HERC1: variants seen among roughly 807,000 people sequenced by gnomAD.
The protein encoded by HERC1 is probable E3 ubiquitin-protein ligase HERC1.
HERC1 carries 160 observed loss-of-function variants against 554.3 expected under a neutral mutation model. That is an observed-to-expected ratio of 0.29 (90% CI 0.25 to 0.33). HERC1 has a LOEUF of 0.33. Ranked by LOEUF, HERC1 falls within the 10% of genes least tolerant of loss-of-function variation. The pLI is 1.00. For synonymous variants in HERC1, 2,175 were observed against 2,131.7 expected (o/e 1.02, Z -0.56); for missense variants, 4,919 against 5,918.5 (o/e 0.83, Z 5.54).
chr15:63,771,111 C>A (rs922337785), intron 2 of HERC1, among the ~76,000 whole-genome samples: 1 of 151,860 alleles, frequency 6.6e-6, no homozygotes, highest in Non-Finnish European at 1.5e-5. Flanking sequence ...ATAGCTTGAA[C>A]CCAGGAGGCA....
chr15:63,771,469 C>CA lies in HERC1; in HGVS notation c.930+3224dup, dbSNP rs2075953678. On this transcript the variant is annotated intron_variant, in intron 2 of 77. Coordinates refer to ENST00000443617, the MANE Select transcript of HERC1 (RefSeq NM_003922.4). Reference sequence around the variant, plus strand: ...TTTTTTTGAGACAGTCTTGGTCTGTCACCCAGGCTGGAGTGCAATGGTGCG... The same window carrying CA: ...TTTTTTTGAGACAGTCTTGGTCTGTCAACCCAGGCTGGAGTGCAATGGTGCG... Among the ~76,000 whole-genome samples, 5 of 149,448 alleles carry CA rather than the reference C, an allele frequency of 3.3e-5. No individual in the cohort carries two copies. In the South Asian group the frequency reaches 1.1e-3, roughly 31 times the overall value.
chr15:63,638,579 C>A (rs769241290), intron 62 of HERC1, 43 bp from the exon 63 acceptor site: 1 of 1,613,278 alleles, frequency 6.2e-7, no homozygotes, highest in Admixed American at 1.7e-5. Context: ...CATCCATTCA[C>A]TCAAACAGCC....
intron 39 of HERC1, among the ~76,000 whole-genome samples, chr15:63,670,022 G>A (rs1043671616): frequency 6.6e-6 from 1 of 152,154 alleles, no homozygotes; most frequent in Non-Finnish European, 1.5e-5. Context: ...GATAAGAGGG[G>A]TAATTTGGTA....
chr15:63,696,132 G>T lies in HERC1; in HGVS notation c.5113C>A (p.His1705Asn). Reference protein sequence around the residue: ...GGKGESGRLHHYQDGIRAAKR... With the variant: ...GGKGESGRLHNYQDGIRAAKR... The stretch of plus-strand genomic sequence containing the variant: ...TGCAAGGTGTCACCTACCTGATAGT[G>T]ATGCAATCGGCCACTCTCTCCCTTG... The change falls in exon 27 of 78, where the codon CAC becomes AAC. Residue 1705 changes from histidine (H) to asparagine (N), a missense_variant. Coordinates refer to ENST00000443617, the MANE Select transcript of HERC1 (RefSeq NM_003922.4). The T allele has an allele frequency of 2.5e-6, 4 of 1,610,594 alleles. No homozygotes were observed. The highest frequency in any genetic ancestry group is 1.1e-5 in the South Asian group (1 of 90,704).
rs777930748 is a variant in HERC1, at chr15:63,666,008, G to A, written c.8466C>T (p.Gly2822=). The stretch of plus-strand genomic sequence containing the variant: ...AATAACAGGGATCATTTGACTTCCC[G>A]CCACTGCCTAGAACGGCTGCTCCAG... ...SRPGAAVLGS[G]GKSNDPCYLQ... Residue 2822 remains glycine, a synonymous_variant, in exon 42 of 78, where the codon GGC becomes GGT. Transcript: ENST00000443617. 134 of 1,613,836 alleles carry A rather than the reference G, an allele frequency of 8.3e-5. No individual in the cohort carries two copies. Among genetic ancestry groups the A allele is most frequent in the Middle Eastern group, 1.6e-4 (1 of 6,084 alleles).
At chr15:63,657,698 T>C (rs1442505694) in intron 48 of HERC1, among the ~76,000 whole-genome samples, 1 of 152,234 alleles carries the variant, frequency 6.6e-6, no homozygotes, top group Non-Finnish European at 1.5e-5. Flanking sequence ...AATTTTTGCT[T>C]GTCCCAAGAC....
In HERC1 at chr15:63,756,305, C is replaced by A; in HGVS notation, c.1533+132G>T. 1.5e-6 allele frequency: 1 copy of A among 679,084 alleles called. No homozygotes were observed. The allele number at this position is 679,084 out of a possible 1,614,324, so 42.1% of individuals were successfully genotyped here. A position where few individuals can be genotyped will look rare whatever the true frequency, so the allele number is the denominator to read the frequency against. ...CAAAGGTGTTCTGTAAACTGTAAAGCAGAGATACAAAAGATTAAGCCAAAG... is the reference window on the plus strand; with the variant it reads ...CAAAGGTGTTCTGTAAACTGTAAAGAAGAGATACAAAAGATTAAGCCAAAG... On this transcript the variant is annotated intron_variant, in intron 5 of 77. Coordinates refer to ENST00000443617, the MANE Select transcript of HERC1 (RefSeq NM_003922.4). This position sits in a 1 kb window ranked among gnomAD's most constrained non-coding sequence, Gnocchi z 5.0.
intron 40 of HERC1, among the ~76,000 whole-genome samples, chr15:63,667,843 C>A (rs962214571): frequency 6.6e-6 from 1 of 152,164 alleles, no homozygotes; most frequent in African/African-American, 2.4e-5. Flanking sequence ...TCTGCCTCTG[C>A]CACTCCTGGG....
At chr15:63,644,301 G>C (rs954612346) in intron 57 of HERC1, among the ~76,000 whole-genome samples, 1 of 152,240 alleles carries the variant, frequency 6.6e-6, no homozygotes, top group African/African-American at 2.4e-5. Flanking sequence ...TGGTAGCTCA[G>C]AGATGCGATC....
At position 63,678,320 on chromosome 15, in the gene HERC1, G is replaced by GT; in HGVS notation, c.6594dup (p.Leu2199ThrfsTer8). 3 of 1,612,634 alleles carry GT rather than the reference G, an allele frequency of 1.9e-6. No individual in the cohort carries two copies. The highest frequency in any genetic ancestry group is 2.5e-6 in the Non-Finnish European group (3 of 1,179,324). On this transcript the variant is annotated frameshift_variant, in exon 37 of 78. Transcript: ENST00000443617. LOFTEE classifies it high-confidence loss of function. ...GGACTACAAATAGGGTCTCCTGGAA[G>GT]TAAGTCTCGGGGTGTGCCACGCATC... is the stretch of plus-strand genomic sequence containing the variant.
intron 71 of HERC1, 158 bp downstream of exon 71, chr15:63,625,827 C>T: frequency 1.3e-6 from 1 of 791,498 alleles, no homozygotes; most frequent in South Asian, 1.5e-5. Flanking sequence ...TAGACTGTCC[C>T]TAACACAGCA....
At chr15:63,648,047 C>T (rs2069450183) in intron 55 of HERC1, 22 bp downstream of exon 55, 28 of 1,540,998 alleles carry the variant, frequency 1.8e-5, no homozygotes, top group Middle Eastern at 1.7e-4. Flanking sequence ...CATAAAATTA[C>T]GTTTTTTAAA....
chr15:63,615,363 C>G (rs2067770355), intron 76 of HERC1, among the ~76,000 whole-genome samples: 1 of 152,226 alleles, frequency 6.6e-6, no homozygotes, highest in South Asian at 2.1e-4. Context: ...AATCCCAACA[C>G]TTTGGGAAGC....
At chr15:63,739,719 G>A (rs1341046134) in intron 12 of HERC1, among the ~76,000 whole-genome samples, 1 of 151,924 alleles carries the variant, frequency 6.6e-6, no homozygotes, top group Non-Finnish European at 1.5e-5. Flanking sequence ...TGCGCCTGCA[G>A]TCCCGGCTAC....
intron 22 of HERC1, 97 bp from the exon 23 acceptor site, chr15:63,713,762 T>A (rs749859307): frequency 4.5e-6 from 5 of 1,102,408 alleles, no homozygotes; most frequent in Non-Finnish European, 5.1e-6. Flanking sequence ...GACCAAAAAC[T>A]TACTGAAAGA....
At chr15:63,828,427 C>T (rs1370083881) in intron 1 of HERC1, among the ~76,000 whole-genome samples, 1 of 151,982 alleles carries the variant, frequency 6.6e-6, no homozygotes, top group Non-Finnish European at 1.5e-5. Flanking sequence ...GCAACCTCCG[C>T]CTCCCAGGTT....
At chr15:63,664,434 C>A (rs372330999) in intron 43 of HERC1, 36 bp downstream of exon 43, 2 of 1,579,058 alleles carry the variant, frequency 1.3e-6, no homozygotes, top group Non-Finnish European at 1.7e-6. Context: ...AAAATAAGAT[C>A]TTTCACAAAG....
intron 1 of HERC1, among the ~76,000 whole-genome samples, chr15:63,808,692 C>T (rs1373288121): frequency 1.3e-5 from 2 of 152,256 alleles, no homozygotes; most frequent in South Asian, 4.1e-4. Flanking sequence ...TACAATTAAT[C>T]CAGAAATGCA....
Position 63,674,621 on chromosome 15 carries a change from G to C in HERC1, c.7567C>G (p.Leu2523Val). The change falls in exon 38 of 78, where the codon CTT (leucine) becomes GTT (valine). Residue 2523 changes from leucine (L) to valine (V), a missense_variant. Leu to Val is a conservative substitution (Grantham distance 32, BLOSUM62 1). Around this residue, in one of 11 missense-constraint regions of HERC1, gnomAD observed 1,963 missense variants for 2,228.6 expected, o/e 0.88. Coordinates refer to ENST00000443617, the MANE Select transcript of HERC1 (RefSeq NM_003922.4). Reference protein sequence around the residue: ...LGAMKSLSALLGCSKYAELLL... With the variant: ...LGAMKSLSALVGCSKYAELLL... ...AGCTCAGCATATTTACTACAGCCAAGAAGGGCACTAAGTGACTTCATAGCA... is the reference window on the plus strand; with the variant it reads ...AGCTCAGCATATTTACTACAGCCAACAAGGGCACTAAGTGACTTCATAGCA... 6.2e-7 allele frequency: 1 copy of C among 1,613,232 alleles called. No homozygotes were observed. The highest frequency in any genetic ancestry group is 8.5e-7 in the Non-Finnish European group (1 of 1,179,500).
Sources: gnomAD v4.1 joint callset for allele counts (sites outside exome capture counted in the v4.1 genomes callset) on GRCh38, gnomAD v4.1.1 for gene constraint, gnomAD v4.1.1 regional missense constraint, Gnocchi (gnomAD v3.1) non-coding constraint, MANE v1.5 for transcripts, NCBI Gene and HGNC (gene_info 2026-07-23, HGNC 2026-07-21) for gene names.